The following ATP2B1 variants were observed in gnomAD, a reference collection of about 807,000 sequenced individuals.
ATP2B1 encodes the protein plasma membrane calcium-transporting ATPase 1.
Under a neutral mutation model 124.2 loss-of-function variants are expected in ATP2B1, and 14 were observed. The ratio of observed to expected loss-of-function variants is 0.11; its 90% confidence interval spans 0.07 to 0.18. The LOEUF is 0.18. ATP2B1 is among the 10% of genes least tolerant of loss of function. ATP2B1 has a pLI of 1.00. For missense variants in ATP2B1, 763 were observed against 1,466.1 expected (o/e 0.52, Z 7.83); for synonymous variants, 449 against 492.4 (o/e 0.91, Z 1.17).
chr12:89,623,724 G>A (rs1475219640), intron 9 of ATP2B1, among the ~76,000 whole-genome samples: 1 of 152,254 alleles, frequency 6.6e-6, no homozygotes, highest in Non-Finnish European at 1.5e-5. Context: ...GACTGGCAGG[G>A]CCCTGCAGGC....
chr12:89,640,553 G>T (rs1051615810), intron 3 of ATP2B1, among the ~76,000 whole-genome samples: 2 of 152,154 alleles, frequency 1.3e-5, no homozygotes, highest in Non-Finnish European at 2.9e-5. Flanking sequence ...TCTTTAAAGA[G>T]AAAGAATACA....
At chr12:89,671,771 GTT>G (rs34218036) in intron 1 of ATP2B1, among the ~76,000 whole-genome samples, 4 of 139,960 alleles carry the variant, frequency 2.9e-5, no homozygotes, top group Non-Finnish European at 3.1e-5. Context: ...TCCCAAGGCA[GTT>G]TTTTTTTTTT....
At chr12:89,654,017 G>A (rs1012300704) in intron 2 of ATP2B1, among the ~76,000 whole-genome samples, 5 of 152,108 alleles carry the variant, frequency 3.3e-5, no homozygotes, top group African/African-American at 1.2e-4. Flanking sequence ...TAATGTTAGT[G>A]TCCCCTATCA....
intron 1 of ATP2B1, among the ~76,000 whole-genome samples, chr12:89,669,049 A>G (rs527331287): frequency 7.7e-4 from 117 of 152,142 alleles, no homozygotes; most frequent in Non-Finnish European, 1.4e-3. Flanking sequence ...CACACTCAGT[A>G]TGTACTGCAT....
intron 1 of ATP2B1, among the ~76,000 whole-genome samples, chr12:89,693,817 T>C (rs1890816082): frequency 6.6e-6 from 1 of 152,232 alleles, no homozygotes; most frequent in African/African-American, 2.4e-5. Context: ...TCTTGATTCA[T>C]GAACTTCTGG....
chr12:89,679,626 G>T (rs925314541), intron 1 of ATP2B1, among the ~76,000 whole-genome samples: 1 of 152,074 alleles, frequency 6.6e-6, no homozygotes, highest in Non-Finnish European at 1.5e-5. Context: ...TGTAAGTAGA[G>T]AAATAAATGC....
chr12:89,678,200 C>T (rs1265228057), intron 1 of ATP2B1, among the ~76,000 whole-genome samples: 1 of 151,818 alleles, frequency 6.6e-6, no homozygotes, highest in Non-Finnish European at 1.5e-5. Context: ...CCTTTCTTTT[C>T]CCTAAAAAAC....
At chr12:89,628,752 C>T (rs1881349796) in intron 6 of ATP2B1, among the ~76,000 whole-genome samples, 3 of 152,134 alleles carry the variant, frequency 2.0e-5, no homozygotes, top group Admixed American at 2.0e-4. Flanking sequence ...AAACGGAAAA[C>T]ATGGAACAAA....
Position 89,642,335 on chromosome 12 carries a change from C to T in ATP2B1, c.229G>A (p.Asp77Asn), listed in dbSNP as rs373320828. 6.2e-7 allele frequency: 1 copy of T among 1,613,156 alleles called. No homozygotes were observed. Among genetic ancestry groups the T allele is most frequent in the Non-Finnish European group, 8.5e-7 (1 of 1,179,792 alleles). ...PNEGLSGNPA[D>N]LERREAVFGK... ...AACACTGCTTCTCTTCTTTCTAAAT[C>T]TGCAGGGTTTCCACTTAAACCTAAT... Residue 77 changes from aspartate to asparagine, a missense_variant, in exon 3 of 21, where the codon GAT (aspartate) becomes AAT (asparagine). By Grantham distance (23) the Asp-to-Asn change is conservative. Coordinates refer to ENST00000428670, the MANE Select transcript of ATP2B1 (RefSeq NM_001366521.1).
intron 1 of ATP2B1, among the ~76,000 whole-genome samples, chr12:89,703,196 A>T (rs1404539420): frequency 1.3e-5 from 2 of 152,202 alleles, no homozygotes; most frequent in African/African-American, 4.8e-5. Flanking sequence ...GAAGCAAAAA[A>T]CAACTGCATT....
intron 1 of ATP2B1, among the ~76,000 whole-genome samples, chr12:89,677,276 T>G (rs912958988): frequency 3.9e-5 from 6 of 152,262 alleles, no homozygotes; most frequent in Non-Finnish European, 2.9e-5. Context: ...CCAGCTGTTT[T>G]GAGTGACTTA....
chr12:89,694,557 T>C (rs1890904197), intron 1 of ATP2B1, among the ~76,000 whole-genome samples: 1 of 152,140 alleles, frequency 6.6e-6, no homozygotes, highest in South Asian at 2.1e-4. Flanking sequence ...ACCAATACAG[T>C]TCCCACTTGT....
At chr12:89,666,447 T>C (rs113895107) in intron 1 of ATP2B1, among the ~76,000 whole-genome samples, 54 of 152,336 alleles carry the variant, frequency 3.5e-4, no homozygotes, top group African/African-American at 1.1e-3. Context: ...GAACAACTTA[T>C]CTCACTTTAT....
rs200151950 is a variant in ATP2B1 at position 89,591,116 on chromosome 12, G to C, written c.3531C>G (p.Ser1177=). ...AEDDAPTKRN[S]SPPPSPNKNN... ...TTTTGTTGGGAGAGGGTGGAGGACTGGAGTTACGTTTTGTAGGAGCATCAT... is the reference window on the plus strand; with the variant it reads ...TTTTGTTGGGAGAGGGTGGAGGACTCGAGTTACGTTTTGTAGGAGCATCAT... The change falls in exon 21 of 21, where the codon TCC becomes TCG. Residue 1177 remains serine (S), a synonymous_variant. Transcript: ENST00000428670. 1.9e-6 allele frequency: 3 copies of C among 1,613,240 alleles called. No individual in the cohort carries two copies. The highest frequency in any genetic ancestry group is 3.3e-4 in the Middle Eastern group (2 of 6,062).
chr12:89,608,043 C>CT (rs1429409933), intron 15 of ATP2B1, among the ~76,000 whole-genome samples: 1 of 152,080 alleles, frequency 6.6e-6, no homozygotes, highest in African/African-American at 2.4e-5. Flanking sequence ...AAAAAAAACT[C>CT]TAAGACAATA....
rs935902011 is a variant in ATP2B1, at chr12:89,589,549, T to C, written c.*1435A>G. On this transcript the variant is annotated 3_prime_UTR_variant, in exon 21 of 21. Coordinates refer to ENST00000428670, the MANE Select transcript of ATP2B1 (RefSeq NM_001366521.1). ...GTATCAAAGACAATGGTGGTCATTG[T>C]TGTTATGTTTTTTACCTGTGAGACT... The C allele has an allele frequency of 6.6e-6, 1 of 152,162 alleles. No homozygotes were observed. The highest frequency in any genetic ancestry group is 6.6e-5 in the Admixed American group (1 of 15,260). The allele number at this position is 152,162 out of a possible 1,614,324, so 9.4% of individuals were successfully genotyped here. A position where few individuals can be genotyped will look rare whatever the true frequency, so the allele number is the denominator to read the frequency against.
intron 2 of ATP2B1, among the ~76,000 whole-genome samples, chr12:89,653,644 T>C (rs1024472336): frequency 3.3e-5 from 5 of 152,214 alleles, no homozygotes; most frequent in African/African-American, 1.2e-4. Flanking sequence ...AGATTATCCA[T>C]AGCTTCCAAC....
At position 89,648,639 on chromosome 12, in the gene ATP2B1, T is replaced by C. The variant is rs115934637; in HGVS notation, c.209-6284A>G. Among the ~76,000 whole-genome samples, 1,083 of 152,252 alleles carry C rather than the reference T, an allele frequency of 7.1e-3. 12 individuals are homozygous for C. Among genetic ancestry groups the C allele is most frequent in the African/African-American group, 0.023 (972 of 41,536 alleles). ...ACCTGTGGTAGAGAAGGAAAACAAG[T>C]GGGCTGTGGTGCAATCACTTTCTAG... On this transcript the variant is annotated intron_variant, in intron 2 of 20. Transcript: ENST00000428670.
At chr12:89,606,717 T>TCACACATCAC (rs1876958686) in intron 15 of ATP2B1, among the ~76,000 whole-genome samples, 1 of 151,754 alleles carries the variant, frequency 6.6e-6, no homozygotes, top group Non-Finnish European at 1.5e-5. Flanking sequence ...AAGATTACAG[T>TCACACATCAC]CACACATCAC....
Sources: allele counts gnomAD v4.1 joint callset (sites outside exome capture counted in the v4.1 genomes callset), GRCh38; gene constraint gnomAD v4.1.1; transcripts MANE v1.5; gene names NCBI Gene and HGNC (gene_info 2026-07-23, HGNC 2026-07-21).